BBS9: variants seen among roughly 807,000 people sequenced by gnomAD.
The protein encoded by BBS9 is protein PTHB1.
In BBS9, 89 loss-of-function variants were observed where a neutral mutation model predicts 117.7. That is an observed-to-expected ratio of 0.76 (90% confidence interval 0.64 to 0.90). BBS9 has a LOEUF of 0.90. Ranked by LOEUF, BBS9 falls within the 40% of genes least tolerant of loss-of-function variation. The probability of loss-of-function intolerance (pLI) is 0.00; values close to 1 mark genes in which losing one functional copy is unlikely to be tolerated. For synonymous variants in BBS9, 379 were observed against 370.9 expected, an observed-to-expected ratio of 1.02 and a Z score of -0.25; for missense variants, 982 against 1,042.2, an observed-to-expected ratio of 0.94 and a Z score of 0.80.
Position 33,181,438 on chromosome 7 carries a change from G to A in BBS9, c.442+3847G>A, listed in dbSNP as rs144203189. ...TTAATATAACTTGGAAATGCTGTTCGAGACAGAAAGCCAATTTTCACCTTT... is the reference window on the plus strand; with the variant it reads ...TTAATATAACTTGGAAATGCTGTTCAAGACAGAAAGCCAATTTTCACCTTT... On this transcript the variant is annotated intron_variant, in intron 5 of 22. Coordinates refer to ENST00000242067, the MANE Select transcript of BBS9 (RefSeq NM_198428.3). Among the ~76,000 whole-genome samples the A allele has an allele frequency of 3.3e-3, 498 of 152,250 alleles. 2 individuals are homozygous for A. Among genetic ancestry groups the A allele is most frequent in the African/African-American group, 0.012 (482 of 41,542 alleles).
At chr7:33,373,064 A>C (rs934263530) in intron 17 of BBS9, among the ~76,000 whole-genome samples, 1 of 151,508 alleles carries the variant, frequency 6.6e-6, no homozygotes, top group Non-Finnish European at 1.5e-5. Context: ...AATTTTCTTT[A>C]TCTTTTCAAA....
chr7:33,455,306 A>T (rs559164533), intron 19 of BBS9, among the ~76,000 whole-genome samples: 1 of 152,172 alleles, frequency 6.6e-6, no homozygotes, highest in African/African-American at 2.4e-5. Context: ...CACCCTCTGT[A>T]GTTGTCTTTG....
In BBS9 at chr7:33,139,808, T is replaced by G. The variant is rs543403982; in HGVS notation, c.-11-6434T>G. ...GAGTGAGCAGAGGATCACTTACTCTTTGGTTGGTTACTACTAATTTCTGTC... is the reference window on the plus strand; with the variant it reads ...GAGTGAGCAGAGGATCACTTACTCTGTGGTTGGTTACTACTAATTTCTGTC... On this transcript the variant is annotated intron_variant, in intron 1 of 22. Coordinates refer to ENST00000242067, the MANE Select transcript of BBS9 (RefSeq NM_198428.3). Among the ~76,000 whole-genome samples, 50 of 152,306 alleles carry G rather than the reference T, an allele frequency of 3.3e-4. 1 individual carries two copies. The South Asian group carries it at 0.01, about 32-fold the overall frequency.
At chr7:33,370,788 C>T (rs988983364) in intron 17 of BBS9, among the ~76,000 whole-genome samples, 1 of 152,142 alleles carries the variant, frequency 6.6e-6, no homozygotes, top group Non-Finnish European at 1.5e-5. Flanking sequence ...TCTCTCCTGC[C>T]CCTTTCTGTT....
At chr7:33,608,144 T>C (rs1222558566), downstream of BBS9, among the ~76,000 whole-genome samples, 11 of 151,978 alleles carry the variant, frequency 7.2e-5, no homozygotes, top group Non-Finnish European at 1.5e-5. Context: ...GAACATGTGG[T>C]ATTTGGTTTT....
chr7:33,451,395 T>C (rs1247998643), intron 19 of BBS9, among the ~76,000 whole-genome samples: 1 of 152,200 alleles, frequency 6.6e-6, no homozygotes, highest in African/African-American at 2.4e-5. Flanking sequence ...ACAGGCCCTA[T>C]TTCCCTCTTT....
At chr7:33,405,216 G>A (rs1413073267) in intron 19 of BBS9, among the ~76,000 whole-genome samples, 1 of 152,184 alleles carries the variant, frequency 6.6e-6, no homozygotes, top group Non-Finnish European at 1.5e-5. Flanking sequence ...TGGTGGATAA[G>A]CTTTTTGATG....
chr7:33,504,449 A>G (rs1464635065), intron 19 of BBS9, among the ~76,000 whole-genome samples: 1 of 152,140 alleles, frequency 6.6e-6, no homozygotes, highest in East Asian at 1.9e-4. Context: ...TGATTTTTTA[A>G]AAAGCCCTTT....
At chr7:33,553,812 G>A (rs2129097263) in intron 21 of BBS9, among the ~76,000 whole-genome samples, 1 of 152,094 alleles carries the variant, frequency 6.6e-6, no homozygotes, top group African/African-American at 2.4e-5. Flanking sequence ...TAGGCATTGG[G>A]GTATGATGAC....
intron 19 of BBS9, among the ~76,000 whole-genome samples, chr7:33,415,587 A>C (rs908872049): frequency 6.6e-6 from 1 of 152,200 alleles, no homozygotes; most frequent in East Asian, 1.9e-4. Context: ...AATAATTCCC[A>C]GTGTTGACAG....
chr7:33,347,349 A>T (rs76237360), intron 12 of BBS9, among the ~76,000 whole-genome samples: 4,338 of 152,070 alleles, frequency 0.029, 204 homozygotes, highest in African/African-American at 0.094. Flanking sequence ...TGTTTGTTTA[A>T]TGGACTAGCT....
chr7:33,433,510 TC>T (rs1328536383), intron 19 of BBS9, among the ~76,000 whole-genome samples: 1 of 152,242 alleles, frequency 6.6e-6, no homozygotes, highest in Non-Finnish European at 1.5e-5. Context: ...AGTATTTTTT[TC>T]CATCAGCTTA....
At chr7:33,312,409 G>C (rs1009356844) in intron 9 of BBS9, among the ~76,000 whole-genome samples, 5 of 152,178 alleles carry the variant, frequency 3.3e-5, no homozygotes, top group African/African-American at 1.2e-4. Context: ...GCATCGTGTA[G>C]CTGCGCAGTG....
At chr7:33,354,480 G>T (rs1232590606) in intron 15 of BBS9, among the ~76,000 whole-genome samples, 8 of 152,222 alleles carry the variant, frequency 5.3e-5, no homozygotes, top group Admixed American at 1.3e-4. Flanking sequence ...ACAGTACGTA[G>T]CCAGACATAA....
chr7:33,239,316 G>T (rs1220560049), intron 5 of BBS9, among the ~76,000 whole-genome samples: 2 of 152,198 alleles, frequency 1.3e-5, no homozygotes, highest in South Asian at 2.1e-4. Context: ...CTGTAAAATA[G>T]GTGATCATTC....
At chr7:33,475,426 A>G (rs1158094125) in intron 19 of BBS9, among the ~76,000 whole-genome samples, 1 of 152,158 alleles carries the variant, frequency 6.6e-6, no homozygotes, top group Non-Finnish European at 1.5e-5. Context: ...GGATAGAGCC[A>G]GTGAATTTGC....
chr7:33,259,151 G>A (rs975720666), intron 6 of BBS9, among the ~76,000 whole-genome samples: 2 of 152,050 alleles, frequency 1.3e-5, no homozygotes, highest in African/African-American at 2.4e-5. Flanking sequence ...TGAAAACTAT[G>A]TTTGTTCTTT....
intron 20 of BBS9, among the ~76,000 whole-genome samples, chr7:33,509,296 TG>T (rs770552770): frequency 4.6e-5 from 7 of 152,328 alleles, no homozygotes; most frequent in African/African-American, 4.8e-5. Flanking sequence ...ATGCAGTATG[TG>T]GTTTTGACAT....
At chr7:33,434,037 A>G (rs901792413) in intron 19 of BBS9, among the ~76,000 whole-genome samples, 2 of 151,946 alleles carry the variant, frequency 1.3e-5, no homozygotes, top group African/African-American at 4.8e-5. Context: ...GTGAACATAT[A>G]ATTGTTTATA....
Sources: gnomAD v4.1 joint callset for allele counts (sites outside exome capture counted in the v4.1 genomes callset) on GRCh38, gnomAD v4.1.1 for gene constraint, MANE v1.5 for transcripts, NCBI Gene and HGNC (gene_info 2026-07-23, HGNC 2026-07-21) for gene names.